The following LAMC1 variants were observed in gnomAD, a reference collection of about 807,000 sequenced individuals.
The protein encoded by LAMC1 is laminin subunit gamma 1.
A neutral mutation model predicts 173.6 loss-of-function variants in LAMC1; 38 were observed. The ratio of observed to expected loss-of-function variants is 0.22; its 90% CI spans 0.17 to 0.29. LAMC1 has a LOEUF of 0.29. LAMC1 is among the 10% of genes least tolerant of loss of function. The pLI is 1.00. For synonymous variants in LAMC1, 746 were observed against 749.1 expected (o/e 1.00, Z 0.07); for missense variants, 1,824 against 2,051.8 (o/e 0.89, Z 2.14).
intron 1 of LAMC1, among the ~76,000 whole-genome samples, chr1:183,055,973 G>T (rs538499606): frequency 2.2e-4 from 34 of 152,308 alleles, no homozygotes; most frequent in African/African-American, 7.5e-4. Context: ...GTTACTGTTG[G>T]ATTAAAAAGT....
chr1:183,113,219 C>T (rs1394040457), intron 4 of LAMC1, among the ~76,000 whole-genome samples: 1 of 152,070 alleles, frequency 6.6e-6, no homozygotes, highest in African/African-American at 2.4e-5. Context: ...GAGGCTAAGG[C>T]AGGAGGAGGA....
chr1:183,135,418 A>C (rs755642301), intron 24 of LAMC1, among the ~76,000 whole-genome samples: 3 of 152,116 alleles, frequency 2.0e-5, no homozygotes, highest in Non-Finnish European at 2.9e-5. Flanking sequence ...AGGTAAATGG[A>C]GATTATCTTT....
intron 1 of LAMC1, among the ~76,000 whole-genome samples, chr1:183,066,974 A>T (rs1026805719): frequency 1.3e-5 from 2 of 152,202 alleles, no homozygotes; most frequent in African/African-American, 4.8e-5. Context: ...TTTAAAAAAA[A>T]ATGTAAAGAA....
chr1:183,048,065 T>C (rs895767639), intron 1 of LAMC1, among the ~76,000 whole-genome samples: 1 of 152,162 alleles, frequency 6.6e-6, no homozygotes, highest in Non-Finnish European at 1.5e-5. Flanking sequence ...GCAATCAGAG[T>C]GAATCTGTGT....
At chr1:183,076,667 A>T (rs1365692254) in intron 1 of LAMC1, among the ~76,000 whole-genome samples, 1 of 152,124 alleles carries the variant, frequency 6.6e-6, no homozygotes, top group African/African-American at 2.4e-5. Context: ...ACCATATTTC[A>T]TCAAATCCCC....
rs575363408 is a variant in LAMC1, at chr1:183,083,495, A to G, written c.419-19833A>G. On this transcript the variant is annotated intron_variant, in intron 1 of 27. Coordinates refer to ENST00000258341, the MANE Select transcript of LAMC1 (RefSeq NM_002293.4). ...GTATAGGTACTGCTCAGTTAAATGTAGGTCATTCTCACACAGAATCCCATT... is the reference window on the plus strand; with the variant it reads ...GTATAGGTACTGCTCAGTTAAATGTGGGTCATTCTCACACAGAATCCCATT... Among the ~76,000 whole-genome samples the G allele has an allele frequency of 2.6e-5, 4 of 152,208 alleles. No homozygotes were observed. In the South Asian group the frequency reaches 8.3e-4, roughly 32 times the overall value.
intron 1 of LAMC1, among the ~76,000 whole-genome samples, chr1:183,080,777 G>GTT (rs565759874): frequency 2.8e-5 from 4 of 144,178 alleles, no homozygotes; most frequent in Non-Finnish European, 3.1e-5. Context: ...TTTTTAGTTA[G>GTT]TTTTTTTTTT....
At chr1:183,078,384 A>G (rs1171780682) in intron 1 of LAMC1, among the ~76,000 whole-genome samples, 1 of 151,990 alleles carries the variant, frequency 6.6e-6, no homozygotes, top group Admixed American at 6.6e-5. Context: ...AATCGAGACC[A>G]TCCTGGCTAA....
intron 1 of LAMC1, among the ~76,000 whole-genome samples, chr1:183,064,794 G>A (rs1445553858): frequency 6.6e-6 from 1 of 152,118 alleles, no homozygotes; most frequent in Non-Finnish European, 1.5e-5. Context: ...CAATGAATTT[G>A]TAGTTGACAA....
Position 183,131,344 on chromosome 1 carries a change from C to T in LAMC1, c.3532C>T (p.Leu1178Phe), listed in dbSNP as rs1656781020. ...TACAGGGGACCCAAACAACATGACTCTTTTGGCAGAAGAGGCTCGAAAGCT... is the reference window on the plus strand; with the variant it reads ...TACAGGGGACCCAAACAACATGACTTTTTTGGCAGAAGAGGCTCGAAAGCT... ...ESTGDPNNMT[L>F]LAEEARKLAE... The change falls in exon 20 of 28, where the codon CTT (leucine) becomes TTT (phenylalanine). Residue 1178 changes from leucine (L) to phenylalanine (F), a missense_variant. Transcript: ENST00000258341. The T allele has an allele frequency of 1.3e-5, 21 of 1,613,816 alleles. No homozygotes were observed. Among genetic ancestry groups the T allele is most frequent in the Non-Finnish European group, 1.8e-5 (21 of 1,179,928 alleles).
intron 1 of LAMC1, among the ~76,000 whole-genome samples, chr1:183,080,765 A>T (rs1655251401): frequency 6.7e-6 from 1 of 150,292 alleles, no homozygotes; most frequent in Admixed American, 6.6e-5. Context: ...GTAAGGTTTT[A>T]GTTTTTAGTT....
chr1:183,078,204 A>G (rs747482100), intron 1 of LAMC1, among the ~76,000 whole-genome samples: 6 of 152,164 alleles, frequency 3.9e-5, no homozygotes, highest in Non-Finnish European at 7.3e-5. Context: ...TGCTTTTTTA[A>G]ATGTGCTTAA....
chr1:183,082,974 G>T (rs754954510), intron 1 of LAMC1, among the ~76,000 whole-genome samples: 10 of 152,202 alleles, frequency 6.6e-5, no homozygotes, highest in Non-Finnish European at 1.5e-4. Flanking sequence ...AACATAGCTT[G>T]TGTGAAGTTA....
Position 183,121,599 on chromosome 1 carries a change from C to T in LAMC1, c.1991-124C>T, listed in dbSNP as rs535339112. 27 of 717,204 alleles carry T rather than the reference C, an allele frequency of 3.8e-5. No individual in the cohort carries two copies. In the Admixed American group the frequency reaches 6.8e-4, roughly 18 times the overall value. The allele number at this position is 717,204 out of a possible 1,614,324, so 44.4% of individuals were successfully genotyped here. ...ATATCTCGTTTAGTGTATCAGAGCC[C>T]AGTTAAGCAAATGGCTAATTTTCTC... On this transcript the variant is annotated intron_variant, in intron 11 of 27. Coordinates refer to ENST00000258341, the MANE Select transcript of LAMC1 (RefSeq NM_002293.4).
intron 1 of LAMC1, among the ~76,000 whole-genome samples, chr1:183,033,529 G>A (rs1653899870): frequency 6.6e-6 from 1 of 152,166 alleles, no homozygotes; most frequent in African/African-American, 2.4e-5. Flanking sequence ...TAGGTAACTT[G>A]CTATTTAATT....
chr1:183,071,795 A>G (rs1280913907), intron 1 of LAMC1, among the ~76,000 whole-genome samples: 1 of 152,208 alleles, frequency 6.6e-6, no homozygotes, highest in Non-Finnish European at 1.5e-5. Context: ...CCCAAACACA[A>G]GAAGGTGTGT....
chr1:183,031,736 GAGA>G (rs1653854895), intron 1 of LAMC1, among the ~76,000 whole-genome samples: 1 of 152,106 alleles, frequency 6.6e-6, no homozygotes, highest in African/African-American at 2.4e-5. Context: ...GAAAATTTCT[GAGA>G]AGGTTTTTAA....
chr1:183,111,460 C>T (rs1656151072), intron 4 of LAMC1, among the ~76,000 whole-genome samples: 1 of 151,926 alleles, frequency 6.6e-6, no homozygotes, highest in African/African-American at 2.4e-5. Context: ...TTTCCCACTC[C>T]CCTGTTGGAG....
At chr1:183,136,272 T>C in intron 24 of LAMC1, 114 bp from the exon 25 acceptor site, 1 of 868,536 alleles carries the variant, frequency 1.2e-6, no homozygotes, top group Middle Eastern at 2.5e-4. Context: ...CTCTCTTCCA[T>C]TTTTTACCCT....
Sources: allele counts gnomAD v4.1 joint callset (sites outside exome capture counted in the v4.1 genomes callset), GRCh38; gene constraint gnomAD v4.1.1; transcripts MANE v1.5; gene names NCBI Gene and HGNC (gene_info 2026-07-23, HGNC 2026-07-21).